Variants in CADM2 observed in about 807,000 individuals in gnomAD.
The protein encoded by CADM2 is immunoglobulin superfamily member 4D.
Under a neutral mutation model 49.8 loss-of-function variants are expected in CADM2, and 12 were observed. That is an observed-to-expected ratio of 0.24 (90% CI 0.15 to 0.39). The LOEUF (loss-of-function observed/expected upper bound fraction) is 0.39, where lower values mean the gene tolerates loss of function less well. CADM2 is among the 10% of genes least tolerant of loss of function. The pLI, the probability that CADM2 is intolerant of heterozygous loss-of-function variation, is 1.00. For synonymous variants in CADM2, 214 were observed against 175.4 expected (o/e 1.22, Z -1.74); for missense variants, 378 against 492.3 (o/e 0.77, Z 2.20).
At chr3:85,227,915 G>A (rs944593190) in intron 1 of CADM2, among the ~76,000 whole-genome samples, 3 of 152,142 alleles carry the variant, frequency 2.0e-5, no homozygotes, top group Non-Finnish European at 4.4e-5. Flanking sequence ...GGCTGGATAT[G>A]AAATTCTGGG....
chr3:85,167,068 C>T (rs902926437), intron 1 of CADM2, among the ~76,000 whole-genome samples: 1 of 151,696 alleles, frequency 6.6e-6, no homozygotes, highest in Admixed American at 6.6e-5. Context: ...TATTTTTTTT[C>T]CTAAAGCCTT....
chr3:85,930,644 C>G (rs80121792), intron 6 of CADM2, among the ~76,000 whole-genome samples: 5,071 of 152,092 alleles, frequency 0.033, 282 homozygotes, highest in African/African-American at 0.12. Flanking sequence ...TCCTTCTACT[C>G]TCTATGATTA....
At chr3:85,612,233 A>G (rs951065295) in intron 1 of CADM2, among the ~76,000 whole-genome samples, 1 of 151,906 alleles carries the variant, frequency 6.6e-6, no homozygotes, top group Non-Finnish European at 1.5e-5. Flanking sequence ...TAAGAATTAT[A>G]ACAACAATAG....
intron 1 of CADM2, among the ~76,000 whole-genome samples, chr3:85,213,866 C>T (rs2041861883): frequency 6.6e-6 from 1 of 152,082 alleles, no homozygotes. Flanking sequence ...CTCTGATACA[C>T]TCTTCAGTAT....
intron 2 of CADM2, among the ~76,000 whole-genome samples, chr3:85,746,652 A>T (rs1165878983): frequency 6.6e-6 from 1 of 151,964 alleles, no homozygotes. Context: ...TTAATGTCTC[A>T]TGTCTGCTTT....
At chr3:85,572,855 G>A (rs559262991) in intron 1 of CADM2, among the ~76,000 whole-genome samples, 4 of 152,192 alleles carry the variant, frequency 2.6e-5, no homozygotes, top group South Asian at 4.1e-4. Context: ...TTCCCACCAG[G>A]TAGTCCACTC....
At chr3:86,008,383 T>A (rs921951738) in intron 8 of CADM2, among the ~76,000 whole-genome samples, 1 of 151,986 alleles carries the variant, frequency 6.6e-6, no homozygotes, top group Non-Finnish European at 1.5e-5. Context: ...ACCATCTGAT[T>A]GAAAAGTGTG....
intron 1 of CADM2, among the ~76,000 whole-genome samples, chr3:85,530,321 CGTTTTTTTT>C (rs772761304): frequency 0.31 from 37,023 of 118,312 alleles, 6,738 homozygotes; most frequent in East Asian, 0.54. Flanking sequence ...TTCTTTTCTC[CGTTTTTTTT>C]TTTTTTTTTT....
At chr3:85,440,175 G>A (rs912603919) in intron 1 of CADM2, among the ~76,000 whole-genome samples, 3 of 152,138 alleles carry the variant, frequency 2.0e-5, no homozygotes, top group Admixed American at 6.5e-5. Context: ...ATACACTTGT[G>A]TCTAATTTAT....
In CADM2 at chr3:86,072,176, A is replaced by G. The variant is rs1180771561; in HGVS notation, c.*5393A>G. On this transcript the variant is annotated 3_prime_UTR_variant, in exon 10 of 10. Transcript: ENST00000383699. The stretch of plus-strand genomic sequence containing the variant: ...TGTAGGAAAAAATAAAAACATGAAT[A>G]TCTCAAATTATAATGGTTAATCTCT... 1 of 151,866 alleles carries G rather than the reference A, an allele frequency of 6.6e-6. No individual in the cohort carries two copies. The highest frequency in any genetic ancestry group is 1.5e-5 in the Non-Finnish European group (1 of 67,880). 9.4% of individuals were successfully genotyped at this position (151,866 alleles called of 1,614,324 possible). A position where few individuals can be genotyped will look rare whatever the true frequency, so the allele number is the denominator to read the frequency against.
intron 1 of CADM2, among the ~76,000 whole-genome samples, chr3:84,984,058 C>G (rs963780084): frequency 1.3e-5 from 2 of 150,756 alleles, no homozygotes; most frequent in Admixed American, 1.3e-4. Flanking sequence ...TACACACACA[C>G]ACACACACAC....
intron 1 of CADM2, among the ~76,000 whole-genome samples, chr3:85,509,970 T>C (rs1423685356): frequency 6.6e-6 from 1 of 151,988 alleles, no homozygotes; most frequent in East Asian, 1.9e-4. Context: ...TAATTTAGAA[T>C]ATGCCCTCTC....
intron 1 of CADM2, among the ~76,000 whole-genome samples, chr3:85,245,422 G>C (rs2042624116): frequency 6.6e-6 from 1 of 151,740 alleles, no homozygotes; most frequent in South Asian, 2.1e-4. Context: ...TGAGGCAGGA[G>C]AATGGCGGGA....
chr3:85,321,873 C>A (rs1379272825), intron 1 of CADM2, among the ~76,000 whole-genome samples: 1 of 152,116 alleles, frequency 6.6e-6, no homozygotes, highest in Non-Finnish European at 1.5e-5. Context: ...ATTTGTATTT[C>A]TGTTATATTT....
chr3:85,691,866 A>AT (rs1243223655), intron 1 of CADM2, among the ~76,000 whole-genome samples: 1 of 152,156 alleles, frequency 6.6e-6, no homozygotes, highest in Non-Finnish European at 1.5e-5. Context: ...TCAGCAAACT[A>AT]TTGCAAGGAC....
At position 85,445,342 on chromosome 3, in the gene CADM2, A is replaced by G. The variant is rs750142400; in HGVS notation, c.62-281180A>G. Among the ~76,000 whole-genome samples the G allele has an allele frequency of 7.7e-4, 118 of 152,276 alleles. 2 individuals are homozygous for G. Among genetic ancestry groups the G allele is most frequent in the Non-Finnish European group, 5.9e-4 (40 of 67,994 alleles). Reference sequence around the variant, plus strand: ...AGTACATAGTCATGAACGTGTATTTAAGTTGTATAAATTGTGCCACAGATG... The same window carrying G: ...AGTACATAGTCATGAACGTGTATTTGAGTTGTATAAATTGTGCCACAGATG... On this transcript the variant is annotated intron_variant, in intron 1 of 9. Transcript: ENST00000383699.
chr3:85,217,237 T>G (rs2041947711), intron 1 of CADM2, among the ~76,000 whole-genome samples: 2 of 151,752 alleles, frequency 1.3e-5, no homozygotes, highest in South Asian at 4.2e-4. Flanking sequence ...AATTATAAAA[T>G]TGTTTTTAAA....
intron 1 of CADM2, among the ~76,000 whole-genome samples, chr3:85,021,527 C>A (rs571822666): frequency 3.2e-4 from 48 of 152,206 alleles, no homozygotes; most frequent in African/African-American, 1.1e-3. Flanking sequence ...GTAATCCCAG[C>A]ACTTTGGGAG....
chr3:85,294,395 C>T (rs1340392901), intron 1 of CADM2, among the ~76,000 whole-genome samples: 1 of 151,720 alleles, frequency 6.6e-6, no homozygotes, highest in East Asian at 1.9e-4. Flanking sequence ...ATGCCATCCT[C>T]ATCAAGCTAC....
Sources: allele counts gnomAD v4.1 joint callset (sites outside exome capture counted in the v4.1 genomes callset), GRCh38; gene constraint gnomAD v4.1.1; transcripts MANE v1.5; gene names NCBI Gene and HGNC (gene_info 2026-07-23, HGNC 2026-07-21).